The following LRRC37A2 variants were observed in gnomAD, a reference collection of about 807,000 sequenced individuals.
The protein encoded by LRRC37A2 is leucine rich repeat containing 37 member A2.
Under a neutral mutation model 68.8 loss-of-function variants are expected in LRRC37A2, and 9 were observed. The observed-to-expected ratio is 0.13, with a 90% CI of 0.08 to 0.23. The LOEUF (loss-of-function observed/expected upper bound fraction) is 0.23, where lower values mean the gene tolerates loss of function less well. LRRC37A2 is among the 10% of genes least tolerant of loss of function. LRRC37A2 has a pLI of 1.00. For missense variants in LRRC37A2, 168 were observed against 950.4 expected (o/e 0.18, Z 10.82); for synonymous variants, 63 against 367.6 (o/e 0.17, Z 9.48).
At chr17:46,740,821 C>T in the LRRC37A2 span, among the ~76,000 whole-genome samples, 1 of 152,054 alleles carries the variant, frequency 6.6e-6, no homozygotes, top group African/African-American at 2.4e-5. Flanking sequence ...ACCACCACGT[C>T]CAGCTAATTT....
At chr17:46,782,788 G>C in the LRRC37A2 span, among the ~76,000 whole-genome samples, 11 of 152,226 alleles carry the variant, frequency 7.2e-5, no homozygotes, top group Non-Finnish European at 1.6e-4. Context: ...CAGGGAGCTT[G>C]TGACAAAACC....
chr17:46,999,524 A>AT, the LRRC37A2 span, among the ~76,000 whole-genome samples: 8 of 151,916 alleles, frequency 5.3e-5, no homozygotes, highest in Non-Finnish European at 7.4e-5. Flanking sequence ...AATTTTTGTA[A>AT]TTTTTTGTAG....
the LRRC37A2 span, chr17:46,921,277 A>G: frequency 6.6e-6 from 1 of 152,266 alleles, no homozygotes; most frequent in African/African-American, 2.4e-5. Flanking sequence ...CTAGCTAGCC[A>G]TATGTAGAAA....
At chr17:46,929,417 G>A in the LRRC37A2 span, 4 of 745,028 alleles carry the variant, frequency 5.4e-6, no homozygotes, top group Non-Finnish European at 4.9e-6. Context: ...TGATGCTGTC[G>A]ATTTAAATCA....
the LRRC37A2 span, among the ~76,000 whole-genome samples, chr17:46,836,095 CGTGTGTGT>C: frequency 5.2e-3 from 653 of 126,492 alleles, 1 homozygote; most frequent in African/African-American, 7.3e-3. Flanking sequence ...GAGACGCTGA[CGTGTGTGT>C]GTGTGTGTGT....
At chr17:46,418,193 TTGTGTGTGTGTGTGTGTGTGTTTG>T in the LRRC37A2 span, among the ~76,000 whole-genome samples, 2 of 57,074 alleles carry the variant, frequency 3.5e-5, 1 homozygote, top group African/African-American at 7.6e-5. Context: ...GGAAAATAAA[TTGTGTGTGTGTGTGTGTGTGTTTG>T]TGTGTGTGTG....
the LRRC37A2 span, among the ~76,000 whole-genome samples, chr17:46,823,196 ATTTATATATAATATAT>A: frequency 8.1e-6 from 1 of 123,484 alleles, no homozygotes; most frequent in Admixed American, 9.2e-5. Flanking sequence ...TATTATATAT[ATTTATATATAATATAT>A]TATATATTAT....
At chr17:46,891,417 G>T in the LRRC37A2 span, among the ~76,000 whole-genome samples, 214 of 152,190 alleles carry the variant, frequency 1.4e-3, no homozygotes, top group African/African-American at 4.8e-3. Flanking sequence ...AAGCAAGGTC[G>T]CCAGGGCCCA....
chr17:46,715,897 G>A, the LRRC37A2 span, among the ~76,000 whole-genome samples: 1 of 152,252 alleles, frequency 6.6e-6, no homozygotes, highest in South Asian at 2.1e-4. Flanking sequence ...TTTAATTCAT[G>A]ATTCACTGTC....
the LRRC37A2 span, among the ~76,000 whole-genome samples, chr17:46,873,521 C>T: frequency 5.3e-5 from 8 of 152,272 alleles, no homozygotes; most frequent in East Asian, 1.5e-3. Context: ...GGGTGGGTCT[C>T]CCTGTCAATT....
the LRRC37A2 span, chr17:46,487,199 C>T: frequency 3.9e-5 from 23 of 587,914 alleles, 4 homozygotes; most frequent in African/African-American, 2.8e-4. Context: ...ATAACTCAGG[C>T]GAAACGTAAG....
At chr17:46,769,670 G>C in the LRRC37A2 span, 16 of 1,443,394 alleles carry the variant, frequency 1.1e-5, no homozygotes, top group African/African-American at 1.7e-4. Flanking sequence ...AAGGGGAAAA[G>C]GAGCCCGCGA....
At chr17:46,714,082 A>G in the LRRC37A2 span, 6 of 1,286,134 alleles carry the variant, frequency 4.7e-6, no homozygotes, top group Middle Eastern at 2.7e-4. Flanking sequence ...ATATAAACCC[A>G]TAGCAACTAT....
chr17:46,915,474 C>T, the LRRC37A2 span, among the ~76,000 whole-genome samples: 1 of 152,176 alleles, frequency 6.6e-6, no homozygotes, highest in African/African-American at 2.4e-5. Context: ...TCATTAAGAC[C>T]AGCGCAGGTT....
At chr17:46,926,871 C>T in the LRRC37A2 span, among the ~76,000 whole-genome samples, 1 of 152,204 alleles carries the variant, frequency 6.6e-6, no homozygotes, top group Non-Finnish European at 1.5e-5. Flanking sequence ...TGATGAACGT[C>T]CTGCCATGTA....
chr17:46,905,780 T>TGTGTG, the LRRC37A2 span, among the ~76,000 whole-genome samples: 7 of 116,962 alleles, frequency 6.0e-5, no homozygotes, highest in Admixed American at 1.7e-4. Context: ...CTCTGTGTGT[T>TGTGTG]TGTGTGTGTG....
chr17:47,018,773 T>A, the LRRC37A2 span: 1 of 1,521,200 alleles, frequency 6.6e-7, no homozygotes, highest in East Asian at 2.3e-5. Context: ...AGTTTCCTAA[T>A]GTAGTTGTAG....
chr17:46,529,229 T>C (rs1252198393), intron 6 of LRRC37A2, among the ~76,000 whole-genome samples: 1 of 120,202 alleles, frequency 8.3e-6, no homozygotes, highest in Admixed American at 8.9e-5. Context: ...TGTTCCCTTA[T>C]TTTGTGAGCT....
the LRRC37A2 span, chr17:47,017,876 G>T: frequency 6.2e-7 from 1 of 1,611,856 alleles, no homozygotes; most frequent in Admixed American, 1.7e-5. Flanking sequence ...AAAATCCAGA[G>T]ACCCTTGAAG....
Sources: gnomAD v4.1 joint callset for allele counts (sites outside exome capture counted in the v4.1 genomes callset) on GRCh38, gnomAD v4.1.1 for gene constraint, MANE v1.5 for transcripts, NCBI Gene and HGNC (gene_info 2026-07-23, HGNC 2026-07-21) for gene names.